GCSAML: variants seen among roughly 807,000 people sequenced by gnomAD.
GCSAML encodes the protein germinal center-associated signaling and motility-like protein.
In GCSAML, 9 loss-of-function variants were observed where a neutral mutation model predicts 13.0. The observed-to-expected ratio is 0.69, with a 90% confidence interval of 0.42 to 1.21. The LOEUF (loss-of-function observed/expected upper bound fraction) is 1.21, where lower values mean the gene tolerates loss of function less well. Ranked by LOEUF, GCSAML falls within the 50% of genes most tolerant of loss-of-function variation. The pLI is 0.00. For missense variants in GCSAML, 143 were observed against 153.4 expected (o/e 0.93, Z 0.36); for synonymous variants, 37 against 52.9 (o/e 0.70, Z 1.31).
chr1:247,516,379 G>C (rs1021091499), intron 1 of GCSAML, among the ~76,000 whole-genome samples: 4 of 152,162 alleles, frequency 2.6e-5, no homozygotes, highest in African/African-American at 9.7e-5. Context: ...TGAACAACTT[G>C]AGTAAATGAT....
chr1:247,547,144 T>C (rs1667613594), upstream of GCSAML, among the ~76,000 whole-genome samples: 1 of 152,028 alleles, frequency 6.6e-6, no homozygotes, highest in African/African-American at 2.4e-5. Context: ...AGAAGGTAGT[T>C]GAGGGTAGTA....
intron 4 of GCSAML, among the ~76,000 whole-genome samples, chr1:247,568,717 G>A (rs1034447640): frequency 2.6e-5 from 4 of 152,152 alleles, no homozygotes; most frequent in African/African-American, 9.7e-5. Context: ...TGTGAAGAAA[G>A]ACAATGGTAG....
At chr1:247,515,178 A>T (rs1666169354) in intron 1 of GCSAML, among the ~76,000 whole-genome samples, 1 of 152,192 alleles carries the variant, frequency 6.6e-6, no homozygotes, top group Non-Finnish European at 1.5e-5. Context: ...GAATATGTGG[A>T]CTATGAACCA....
intron 2 of GCSAML, among the ~76,000 whole-genome samples, chr1:247,558,149 G>A (rs2103048227): frequency 6.6e-6 from 1 of 152,306 alleles, no homozygotes; most frequent in East Asian, 1.9e-4. Flanking sequence ...TCACTAGTCA[G>A]CATGGTGAGG....
At chr1:247,566,062 G>T in intron 4 of GCSAML, 103 bp downstream of exon 4, 5 of 712,650 alleles carry the variant, frequency 7.0e-6, no homozygotes, top group South Asian at 2.3e-5. Context: ...AGTAGCATCT[G>T]TCTTCCTTTA....
At chr1:247,567,869 C>T (rs1490124776) in intron 4 of GCSAML, among the ~76,000 whole-genome samples, 1 of 152,190 alleles carries the variant, frequency 6.6e-6, no homozygotes. Flanking sequence ...GATCACCATT[C>T]TAACTGGCAT....
In GCSAML at chr1:247,557,394, A is replaced by G. The variant is rs753348601; in HGVS notation, c.89+928A>G. Reference sequence around the variant, plus strand: ...TGGAGTGGAAAAATGGTAGATATCTAGATGTTGATATCTTGCCTCAGCTTA... The same window carrying G: ...TGGAGTGGAAAAATGGTAGATATCTGGATGTTGATATCTTGCCTCAGCTTA... On this transcript the variant is annotated intron_variant, in intron 2 of 4. Coordinates refer to ENST00000366488, the MANE Select transcript of GCSAML (RefSeq NM_145278.5). Among the ~76,000 whole-genome samples the G allele has an allele frequency of 2.0e-5, 3 of 152,354 alleles. No individual in the cohort carries two copies. In the South Asian group the frequency reaches 6.2e-4, roughly 32 times the overall value.
intron 2 of GCSAML, chr1:247,532,215 C>T (rs1308019147): frequency 1.9e-6 from 3 of 1,614,166 alleles, no homozygotes; most frequent in Non-Finnish European, 2.5e-6. Context: ...AGAACTGGAC[C>T]ACACACCCTC....
chr1:247,569,114 A>G (rs560867526), intron 4 of GCSAML, among the ~76,000 whole-genome samples: 1 of 152,154 alleles, frequency 6.6e-6, no homozygotes. Flanking sequence ...GGCTGAGACG[A>G]TGTGATTTTC....
chr1:247,568,860 T>C (rs563545231), intron 4 of GCSAML, among the ~76,000 whole-genome samples: 1 of 152,178 alleles, frequency 6.6e-6, no homozygotes, highest in South Asian at 2.1e-4. Context: ...CCTTGAGCAG[T>C]GGTTTTTAGT....
intron 2 of GCSAML, among the ~76,000 whole-genome samples, chr1:247,562,652 G>A (rs12143785): frequency 0.028 from 4,308 of 152,156 alleles, 86 homozygotes; most frequent in Non-Finnish European, 0.044. Context: ...CTGATTACAA[G>A]TTATATCCTT....
At chr1:247,508,284 CAT>C (rs1204964466) in intron 1 of GCSAML, among the ~76,000 whole-genome samples, 5 of 152,242 alleles carry the variant, frequency 3.3e-5, no homozygotes, top group East Asian at 3.9e-4. Context: ...AGCTTTTTTT[CAT>C]ATGTTTGATG....
rs1667037188 is a variant in GCSAML at position 247,532,695 on chromosome 1, C to T, written c.-148+5641C>T. 3 of 609,598 alleles carry T rather than the reference C, an allele frequency of 4.9e-6. No homozygotes were observed. In the South Asian group the frequency reaches 6.3e-5, roughly 13 times the overall value. The allele number at this position is 609,598 out of a possible 1,614,324, so 37.8% of individuals were successfully genotyped here. A position where few individuals can be genotyped will look rare whatever the true frequency, so the allele number is the denominator to read the frequency against. Reference sequence around the variant, plus strand: ...CGGGCTAACTTCAAACTCTTGGGATCAAGCAATCCTCCCACCTCAACTTCC... The same window carrying T: ...CGGGCTAACTTCAAACTCTTGGGATTAAGCAATCCTCCCACCTCAACTTCC... On this transcript the variant is annotated intron_variant, in intron 2 of 5. Transcript: ENST00000366489.
intron 1 of GCSAML, among the ~76,000 whole-genome samples, chr1:247,521,297 A>G (rs943646093): frequency 1.3e-5 from 2 of 150,806 alleles, no homozygotes; most frequent in Admixed American, 1.3e-4. Flanking sequence ...AGTTTATGAA[A>G]AACATAATGT....
chr1:247,533,785 A>C (rs530998808), intron 2 of GCSAML: 2 of 152,240 alleles, frequency 1.3e-5, no homozygotes, highest in Non-Finnish European at 2.9e-5. Flanking sequence ...ACTATGATCA[A>C]ATAAATGTGT....
chr1:247,531,508 G>T (rs1666950796), intron 2 of GCSAML: 1 of 1,578,200 alleles, frequency 6.3e-7, no homozygotes, highest in Admixed American at 1.8e-5. Context: ...CACTTTGCTC[G>T]ATGTAAACTT....
chr1:247,563,526 T>C, intron 2 of GCSAML, 64 bp from the exon 3 acceptor site: 1 of 873,450 alleles, frequency 1.1e-6, no homozygotes, highest in Non-Finnish European at 1.8e-6. Flanking sequence ...AATGCTTTTT[T>C]TGAAAGGCAT....
rs547608770 is a variant in GCSAML, at chr1:247,567,302, T to A, written c.168+1343T>A. 3.3e-5 allele frequency among the ~76,000 whole-genome samples: 5 copies of A among 152,096 alleles called. No homozygotes were observed. In the South Asian group the frequency reaches 1.0e-3, roughly 32 times the overall value. ...GTTTAAACCCCCCATGCATTAGGTA[T>A]TTGTTCTAATGCTCTCCCTCCCCTT... On this transcript the variant is annotated intron_variant, in intron 4 of 4. Coordinates refer to ENST00000366488, the MANE Select transcript of GCSAML (RefSeq NM_145278.5).
At chr1:247,547,882 T>C (rs2103031947), upstream of GCSAML, among the ~76,000 whole-genome samples, 1 of 152,354 alleles carries the variant, frequency 6.6e-6, no homozygotes, top group East Asian at 1.9e-4. Context: ...AGCACTTTGG[T>C]ACATAGGTTG....
Sources: gnomAD v4.1 joint callset for allele counts (sites outside exome capture counted in the v4.1 genomes callset) on GRCh38, gnomAD v4.1.1 for gene constraint, MANE v1.5 for transcripts, NCBI Gene and HGNC (gene_info 2026-07-23, HGNC 2026-07-21) for gene names.